Variants in GALNT13 observed in about 807,000 individuals in gnomAD.
The protein encoded by GALNT13 is polypeptide N-acetylgalactosaminyltransferase 13.
GALNT13 carries 28 observed loss-of-function variants against 64.2 expected under a neutral mutation model. The observed-to-expected ratio is 0.44, with a 90% CI of 0.32 to 0.60. The LOEUF (loss-of-function observed/expected upper bound fraction) is 0.60, where lower values mean the gene tolerates loss of function less well. GALNT13 is among the 20% of genes least tolerant of loss of function. The pLI is 0.05. For synonymous variants in GALNT13, 214 were observed against 224.6 expected, an observed-to-expected ratio of 0.95 and a Z score of 0.42; for missense variants, 577 against 669.8, an observed-to-expected ratio of 0.86 and a Z score of 1.53.
chr2:154,112,554 C>T (rs1482077700), intron 3 of GALNT13, among the ~76,000 whole-genome samples: 1 of 152,212 alleles, frequency 6.6e-6, no homozygotes, highest in Admixed American at 6.5e-5. Flanking sequence ...CATGCTTCTT[C>T]CATGTCCTTG....
At chr2:154,094,964 C>T (rs1166629965) in intron 3 of GALNT13, among the ~76,000 whole-genome samples, 3 of 151,698 alleles carry the variant, frequency 2.0e-5, no homozygotes, top group East Asian at 1.9e-4. Flanking sequence ...ATTAAGTTCC[C>T]AATACCTATA....
At chr2:153,611,558 A>G in the GALNT13 span, among the ~76,000 whole-genome samples, 1 of 151,460 alleles carries the variant, frequency 6.6e-6, no homozygotes, top group African/African-American at 2.4e-5. Flanking sequence ...ACGGGGTTTC[A>G]CCGTGTTGGC....
chr2:153,606,742 T>C, the GALNT13 span, among the ~76,000 whole-genome samples: 2 of 152,008 alleles, frequency 1.3e-5, no homozygotes, highest in African/African-American at 2.4e-5. Context: ...AAGCCTTTTA[T>C]CTCTTTCTAA....
the GALNT13 span, among the ~76,000 whole-genome samples, chr2:153,079,361 G>T: frequency 6.6e-6 from 1 of 152,218 alleles, no homozygotes; most frequent in Non-Finnish European, 1.5e-5. Flanking sequence ...CAAATGATAA[G>T]AAATTCTGCT....
the GALNT13 span, among the ~76,000 whole-genome samples, chr2:153,246,059 G>T: frequency 6.6e-6 from 1 of 151,578 alleles, no homozygotes; most frequent in East Asian, 2.0e-4. Context: ...AGAAATTGAT[G>T]ATCACTTTGC....
chr2:153,988,061 T>TACACAC (rs879271680), intron 3 of GALNT13, among the ~76,000 whole-genome samples: 2 of 113,396 alleles, frequency 1.8e-5, no homozygotes, highest in Non-Finnish European at 4.3e-5. Flanking sequence ...AGGTGACATA[T>TACACAC]ATATATATAT....
the GALNT13 span, among the ~76,000 whole-genome samples, chr2:153,605,063 G>T: frequency 1.2e-3 from 177 of 152,122 alleles, no homozygotes; most frequent in Middle Eastern, 3.4e-3. Context: ...TCGATTTCCA[G>T]TTTGACAACT....
At chr2:153,999,809 T>A (rs887494981) in intron 3 of GALNT13, among the ~76,000 whole-genome samples, 6 of 152,094 alleles carry the variant, frequency 3.9e-5, no homozygotes, top group Non-Finnish European at 8.8e-5. Context: ...GGTTTTGGTA[T>A]CAGGGTAGTG....
chr2:154,132,454 T>G (rs1475661461), intron 3 of GALNT13, among the ~76,000 whole-genome samples: 1 of 152,178 alleles, frequency 6.6e-6, no homozygotes, highest in African/African-American at 2.4e-5. Context: ...TGCATCATTT[T>G]AATCACTGCA....
At chr2:153,432,596 G>A in the GALNT13 span, among the ~76,000 whole-genome samples, 1 of 151,924 alleles carries the variant, frequency 6.6e-6, no homozygotes, top group Non-Finnish European at 1.5e-5. Flanking sequence ...CCTATTGCTT[G>A]GCAGAAGCTT....
the GALNT13 span, among the ~76,000 whole-genome samples, chr2:153,348,410 T>C: frequency 6.6e-6 from 1 of 152,198 alleles, no homozygotes; most frequent in Non-Finnish European, 1.5e-5. Context: ...AATTCTAAGG[T>C]ATACTTTGTG....
At chr2:154,328,819 T>A (rs1037687829) in intron 9 of GALNT13, among the ~76,000 whole-genome samples, 1 of 152,156 alleles carries the variant, frequency 6.6e-6, no homozygotes, top group Non-Finnish European at 1.5e-5. Flanking sequence ...AAGTGTAATG[T>A]GAAAATGAGA....
chr2:153,764,415 A>C, the GALNT13 span, among the ~76,000 whole-genome samples: 2 of 152,174 alleles, frequency 1.3e-5, no homozygotes, highest in Non-Finnish European at 2.9e-5. Context: ...ACATGCCTGT[A>C]ATCCAAACTA....
chr2:153,283,258 T>C, the GALNT13 span, among the ~76,000 whole-genome samples: 2 of 152,300 alleles, frequency 1.3e-5, no homozygotes, highest in South Asian at 2.1e-4. Flanking sequence ...GAGCTGTGCC[T>C]AGTCATGGAG....
chr2:154,120,687 T>C (rs1681889508), intron 3 of GALNT13, among the ~76,000 whole-genome samples: 2 of 152,040 alleles, frequency 1.3e-5, no homozygotes, highest in Admixed American at 1.3e-4. Flanking sequence ...GAGGTGGGAG[T>C]CTTCCTGTCT....
chr2:153,664,031 A>G, the GALNT13 span, among the ~76,000 whole-genome samples: 1 of 152,210 alleles, frequency 6.6e-6, no homozygotes, highest in African/African-American at 2.4e-5. Flanking sequence ...AGGCAAAATT[A>G]GAATTACTGA....
intron 3 of GALNT13, among the ~76,000 whole-genome samples, chr2:154,088,906 T>C (rs1019120297): frequency 6.6e-6 from 1 of 152,148 alleles, no homozygotes; most frequent in Non-Finnish European, 1.5e-5. Context: ...CAGAGTCTGA[T>C]CTAATTAATT....
At chr2:153,127,145 T>G in the GALNT13 span, among the ~76,000 whole-genome samples, 4 of 146,748 alleles carry the variant, frequency 2.7e-5, no homozygotes, top group Non-Finnish European at 6.1e-5. Context: ...AATGGAGTAT[T>G]GAGTGCATTT....
intron 3 of GALNT13, among the ~76,000 whole-genome samples, chr2:154,098,709 G>T (rs2105457362): frequency 6.6e-6 from 1 of 152,076 alleles, no homozygotes; most frequent in Admixed American, 6.6e-5. Flanking sequence ...TTCCACTTAG[G>T]ATAATGACTT....
Sources: allele counts gnomAD v4.1 joint callset (sites outside exome capture counted in the v4.1 genomes callset), GRCh38; gene constraint gnomAD v4.1.1; transcripts MANE v1.5; gene names NCBI Gene and HGNC (gene_info 2026-07-23, HGNC 2026-07-21).